Variants in MRAS observed in about 807,000 individuals in gnomAD.
MRAS encodes muscle RAS oncogene homolog, also known as ras-related protein M-Ras.
MRAS carries 4 observed loss-of-function variants against 20.9 expected under a neutral mutation model. That is an observed-to-expected ratio of 0.19 (90% CI 0.09 to 0.44). The LOEUF is 0.44. Among genes scored for constraint, MRAS ranks in the 20% least tolerant of loss-of-function variants. The pLI, the probability that MRAS is intolerant of heterozygous loss-of-function variation, is 0.99. For synonymous variants in MRAS, 98 were observed against 102.9 expected, an observed-to-expected ratio of 0.95 and a Z score of 0.29; for missense variants, 154 against 277.5, an observed-to-expected ratio of 0.56 and a Z score of 3.16.
At chr3:138,355,164 C>G (rs1240843516) in intron 1 of MRAS, among the ~76,000 whole-genome samples, 1 of 152,138 alleles carries the variant, frequency 6.6e-6, no homozygotes, top group East Asian at 1.9e-4. Context: ...ACTTTGTAAT[C>G]CATAACTTCA....
intron 2 of MRAS, among the ~76,000 whole-genome samples, chr3:138,378,328 C>T (rs2054826401): frequency 6.6e-6 from 1 of 152,220 alleles, no homozygotes; most frequent in Middle Eastern, 3.2e-3. Context: ...TTGCCTGTGT[C>T]CTCCCAGAAC....
intron 2 of MRAS, among the ~76,000 whole-genome samples, chr3:138,394,216 A>G (rs1047939706): frequency 5.3e-5 from 8 of 151,818 alleles, no homozygotes; most frequent in African/African-American, 1.9e-4. Flanking sequence ...TGACCTCTTC[A>G]TTTCACATCC....
At chr3:138,393,433 C>T (rs1040922583) in intron 2 of MRAS, among the ~76,000 whole-genome samples, 19 of 152,154 alleles carry the variant, frequency 1.2e-4, no homozygotes, top group Non-Finnish European at 2.4e-4. Flanking sequence ...TCTTCTTTCT[C>T]TTTGATGGTT....
At chr3:138,388,944 C>T (rs35025151) in intron 2 of MRAS, among the ~76,000 whole-genome samples, 88,938 of 151,590 alleles carry the variant, frequency 0.59, 27,222 homozygotes, top group East Asian at 0.74. Context: ...CAGGTTCAAG[C>T]GATTCTCCTG....
At chr3:138,385,249 C>G (rs959791143) in intron 2 of MRAS, among the ~76,000 whole-genome samples, 1 of 145,580 alleles carries the variant, frequency 6.9e-6, no homozygotes, top group African/African-American at 2.6e-5. Flanking sequence ...CTCACTGCAG[C>G]CTTGACCTCC....
intron 1 of MRAS, among the ~76,000 whole-genome samples, chr3:138,352,121 T>C (rs2108489889): frequency 6.6e-6 from 1 of 152,344 alleles, no homozygotes; most frequent in Non-Finnish European, 1.5e-5. Context: ...AGTCAGCCAG[T>C]GGGTCTGACA....
chr3:138,398,417 G>T (rs2055286587), intron 3 of MRAS, 52 bp from the exon 4 acceptor site: 1 of 1,478,020 alleles, frequency 6.8e-7, no homozygotes, highest in African/African-American at 1.4e-5. Context: ...ACCTTAACCA[G>T]GTGTGAGGGG....
chr3:138,394,591 T>C (rs1482695583), intron 2 of MRAS, among the ~76,000 whole-genome samples: 1 of 152,120 alleles, frequency 6.6e-6, no homozygotes, highest in Non-Finnish European at 1.5e-5. Context: ...CCTCTTCTCT[T>C]CTCTATGTCT....
intron 2 of MRAS, among the ~76,000 whole-genome samples, chr3:138,395,894 G>A (rs1362019499): frequency 6.6e-6 from 1 of 152,172 alleles, no homozygotes; most frequent in Non-Finnish European, 1.5e-5. Context: ...TTCAAGTACT[G>A]TTCGGGGCTA....
intron 2 of MRAS, among the ~76,000 whole-genome samples, chr3:138,379,289 T>C (rs1271402411): frequency 6.6e-6 from 1 of 151,376 alleles, no homozygotes; most frequent in African/African-American, 2.4e-5. Flanking sequence ...TGTCTTTCTG[T>C]GCCTGGCTTG....
intron 1 of MRAS, among the ~76,000 whole-genome samples, chr3:138,353,440 C>T (rs1040566472): frequency 8.5e-5 from 13 of 152,080 alleles, no homozygotes; most frequent in Non-Finnish European, 1.8e-4. Flanking sequence ...TCACCTGGAC[C>T]CTTCTAGAGA....
intron 3 of MRAS, among the ~76,000 whole-genome samples, chr3:138,398,137 G>T (rs1347128149): frequency 6.6e-6 from 1 of 152,198 alleles, no homozygotes; most frequent in East Asian, 1.9e-4. Flanking sequence ...CATCCTAATT[G>T]TGCAGCTGGT....
At chr3:138,380,844 A>G (rs2054887376) in intron 2 of MRAS, among the ~76,000 whole-genome samples, 1 of 147,362 alleles carries the variant, frequency 6.8e-6, no homozygotes, top group Non-Finnish European at 1.5e-5. Flanking sequence ...ATCTCGGCTC[A>G]CTGCAGCCTC....
intron 1 of MRAS, among the ~76,000 whole-genome samples, chr3:138,350,612 T>C (rs1049420340): frequency 6.6e-6 from 1 of 152,184 alleles, no homozygotes; most frequent in African/African-American, 2.4e-5. Flanking sequence ...GCTTCGCTCC[T>C]CCATAAGACA....
At chr3:138,373,739 A>T (rs183782214) in intron 2 of MRAS, among the ~76,000 whole-genome samples, 2 of 152,198 alleles carry the variant, frequency 1.3e-5, no homozygotes, top group African/African-American at 2.4e-5. Context: ...AGGTATTTCT[A>T]TGTGAGTTTT....
chr3:138,392,196 C>G (rs1431461249), intron 2 of MRAS, among the ~76,000 whole-genome samples: 1 of 152,148 alleles, frequency 6.6e-6, no homozygotes, highest in Non-Finnish European at 1.5e-5. Flanking sequence ...TTTGTTCTGT[C>G]TCTCAGAATA....
chr3:138,373,739 A>G lies in MRAS; in HGVS notation c.193+663A>G, dbSNP rs183782214. Among the ~76,000 whole-genome samples the G allele has an allele frequency of 4.6e-3, 701 of 152,314 alleles. 5 individuals are homozygous for G. Among genetic ancestry groups the G allele is most frequent in the Non-Finnish European group, 7.0e-3 (474 of 68,020 alleles). On this transcript the variant is annotated intron_variant, in intron 2 of 5. Transcript: ENST00000423968. ...CTGGTCTAGGTCCTAAGGTATTTCT[A>G]TGTGAGTTTTAGCATCAGTTAAATT...
chr3:138,356,407 A>C (rs1163091067), intron 1 of MRAS, among the ~76,000 whole-genome samples: 2 of 152,072 alleles, frequency 1.3e-5, no homozygotes, highest in Non-Finnish European at 2.9e-5. Context: ...AAGCAAAATT[A>C]ATTTTGGTTC....
chr3:138,381,836 C>T (rs549485472), intron 2 of MRAS, among the ~76,000 whole-genome samples: 1 of 152,348 alleles, frequency 6.6e-6, no homozygotes, highest in Admixed American at 6.5e-5. Context: ...TGGCTTTTCC[C>T]CCACACACTT....
Sources: allele counts gnomAD v4.1 joint callset (sites outside exome capture counted in the v4.1 genomes callset), GRCh38; gene constraint gnomAD v4.1.1; transcripts MANE v1.5; gene names NCBI Gene and HGNC (gene_info 2026-07-23, HGNC 2026-07-21).